CGRRF1: variants seen among roughly 807,000 people sequenced by gnomAD.
CGRRF1 encodes the protein cell growth regulator with RING finger domain protein 1.
In CGRRF1, 32 loss-of-function variants were observed where a neutral mutation model predicts 37.2. The observed-to-expected ratio is 0.86, with a 90% CI of 0.65 to 1.16. The LOEUF (loss-of-function observed/expected upper bound fraction) is 1.16. CGRRF1 is among the 50% of genes most tolerant of loss of function. CGRRF1 has a pLI of 0.00. For missense variants in CGRRF1, 391 were observed against 382.6 expected, an observed-to-expected ratio of 1.02 and a Z score of -0.18; for synonymous variants, 141 against 140.3, an observed-to-expected ratio of 1.00 and a Z score of -0.04.
chr14:54,533,610 G>A lies in CGRRF1; in HGVS notation c.570+2560G>A, dbSNP rs141181780. ...TGTGTTTTTTCAGTATTGTATGTGC[G>A]TGTCAGGGACTATATTTTTTTAAAA... is the stretch of plus-strand genomic sequence containing the variant. On this transcript the variant is annotated intron_variant, in intron 4 of 5. Coordinates refer to ENST00000216420, the MANE Select transcript of CGRRF1 (RefSeq NM_006568.3). Among the ~76,000 whole-genome samples the A allele has an allele frequency of 1.1e-3, 164 of 151,586 alleles. 1 individual carries two copies. Among genetic ancestry groups the A allele is most frequent in the African/African-American group, 3.7e-3 (153 of 41,346 alleles).
chr14:54,522,448 T>C lies in CGRRF1; in HGVS notation c.105-6T>C, dbSNP rs776333833. On this transcript the variant is annotated splice_polypyrimidine_tract_variant and splice_region_variant and intron_variant, in intron 1 of 5. Transcript: ENST00000216420. ...AAATAATATTTTATTTTTTACCTTT[T>C]TTTAGGTTTGGTTGGGATGTTCCAG... 1 of 1,533,220 alleles carries C rather than the reference T, an allele frequency of 6.5e-7. No individual in the cohort carries two copies. The highest frequency in any genetic ancestry group is 2.4e-5 in the Admixed American group (1 of 42,264). 95.0% of individuals were successfully genotyped at this position (1,533,220 alleles called of 1,614,324 possible).
Position 54,509,995 on chromosome 14 carries a change from C to T in CGRRF1, c.36C>T (p.Tyr12=), listed in dbSNP as rs142371935. Residue 12 remains tyrosine (Y), a synonymous_variant, in exon 1 of 6, where the codon TAC becomes TAT. Coordinates refer to ENST00000216420, the MANE Select transcript of CGRRF1 (RefSeq NM_006568.3). ...AAVFLVTLYE[Y]SPLFYIAVVF... The stretch of plus-strand genomic sequence containing the variant: ...TGTTTCTGGTAACGCTTTATGAATA[C>T]TCGCCGCTTTTCTACATCGCGGTGG... 27 of 1,613,864 alleles carry T rather than the reference C, an allele frequency of 1.7e-5. No homozygotes were observed. Among genetic ancestry groups the T allele is most frequent in the African/African-American group, 5.3e-5 (4 of 74,936 alleles).
chr14:54,522,740 A>C, intron 2 of CGRRF1, 147 bp downstream of exon 2: 1 of 704,862 alleles, frequency 1.4e-6, no homozygotes, highest in Non-Finnish European at 2.3e-6. Context: ...TGTACTGTAT[A>C]TGACAGATAC....
At chr14:54,513,333 G>T (rs377134099) in intron 1 of CGRRF1, among the ~76,000 whole-genome samples, 1 of 152,196 alleles carries the variant, frequency 6.6e-6, no homozygotes, top group Non-Finnish European at 1.5e-5. Context: ...GGACCAAGTG[G>T]CTAAAGCGCT....
intron 1 of CGRRF1, among the ~76,000 whole-genome samples, chr14:54,522,227 A>G (rs896258942): frequency 6.6e-6 from 1 of 151,998 alleles, no homozygotes; most frequent in Non-Finnish European, 1.5e-5. Context: ...GTTATTTTTT[A>G]TTCTTCCCCC....
At position 54,538,397 on chromosome 14, in the gene CGRRF1, CT is replaced by C; in HGVS notation, c.*15del. ...AAGACTCTTTGAAGACATCGTAACA[CT>C]GAAAAGTACACTTTCTACTAAAGAT... is the stretch of plus-strand genomic sequence containing the variant. On this transcript the variant is annotated 3_prime_UTR_variant, in exon 6 of 6. Transcript: ENST00000216420. 1.3e-6 allele frequency: 2 copies of C among 1,563,734 alleles called. No individual in the cohort carries two copies. The highest frequency in any genetic ancestry group is 8.7e-7 in the Non-Finnish European group (1 of 1,145,648).
intron 1 of CGRRF1, among the ~76,000 whole-genome samples, chr14:54,521,392 C>T (rs989088730): frequency 1.3e-5 from 2 of 151,020 alleles, no homozygotes; most frequent in African/African-American, 2.4e-5. Context: ...ACCCGGGAGG[C>T]AGAGGTTATA....
chr14:54,530,286 G>A, intron 3 of CGRRF1, 60 bp downstream of exon 3: 2 of 1,422,080 alleles, frequency 1.4e-6, no homozygotes, highest in Non-Finnish European at 2.0e-6. Context: ...TGGATAAAGT[G>A]TTGCTAACTT....
At chr14:54,525,793 T>C (rs2032401548) in intron 2 of CGRRF1, among the ~76,000 whole-genome samples, 2 of 152,096 alleles carry the variant, frequency 1.3e-5, no homozygotes, top group African/African-American at 4.8e-5. Flanking sequence ...AGAGACCTGA[T>C]TTAACTTGAA....
At chr14:54,514,649 A>G (rs1318748439) in intron 1 of CGRRF1, among the ~76,000 whole-genome samples, 1 of 152,136 alleles carries the variant, frequency 6.6e-6, no homozygotes, top group Non-Finnish European at 1.5e-5. Flanking sequence ...CTTTGGGCTC[A>G]TGAGTTCTCA....
In CGRRF1 at chr14:54,522,492, A is replaced by G; in HGVS notation, c.143A>G (p.Glu48Gly). ...WDVPVILRNS[E>G]ETQFSTRVFK... ...GTTCCAGTAATTCTGAGAAATTCAG[A>G]AGAGACCCAGTTCAGCACAAGAGTT... Residue 48 changes from glutamate to glycine, a missense_variant, in exon 2 of 6, where the codon GAA becomes GGA. By Grantham distance (98) the Glu-to-Gly change is moderately conservative. Coordinates refer to ENST00000216420, the MANE Select transcript of CGRRF1 (RefSeq NM_006568.3). 2 of 1,599,150 alleles carry G rather than the reference A, an allele frequency of 1.3e-6. No homozygotes were observed. The highest frequency in any genetic ancestry group is 1.8e-5 in the Admixed American group (1 of 56,550).
chr14:54,513,583 T>TATGTCATGTTATGTA (rs1299751835), intron 1 of CGRRF1, among the ~76,000 whole-genome samples: 2 of 137,328 alleles, frequency 1.5e-5, no homozygotes, highest in South Asian at 5.4e-4. Context: ...TATGTTATGT[T>TATGTCATGTTATGTA]ATGTTATGTT....
chr14:54,538,163 C>T lies in CGRRF1; in HGVS notation c.779C>T (p.Ser260Phe). 1 of 1,614,180 alleles carries T rather than the reference C, an allele frequency of 6.2e-7. No homozygotes were observed. Among genetic ancestry groups the T allele is most frequent in the Non-Finnish European group, 8.5e-7 (1 of 1,180,024 alleles). ...DRSLLEKVGL[S>F]ESEVEPSEEN... ...AGTTTGTTGGAAAAGGTGGGACTCT[C>T]TGAAAGTGAAGTTGAGCCATCGGAA... Residue 260 changes from serine (S) to phenylalanine (F), a missense_variant, in exon 6 of 6, where the codon TCT becomes TTT. Transcript: ENST00000216420.
chr14:54,510,678 C>A (rs556420412), intron 1 of CGRRF1, among the ~76,000 whole-genome samples: 1 of 152,262 alleles, frequency 6.6e-6, no homozygotes, highest in East Asian at 1.9e-4. Context: ...ATATGTAACA[C>A]CGAGGGTAGG....
At chr14:54,524,349 G>C (rs147836895) in intron 2 of CGRRF1, among the ~76,000 whole-genome samples, 1 of 151,168 alleles carries the variant, frequency 6.6e-6, no homozygotes, top group Non-Finnish European at 1.5e-5. Flanking sequence ...AGATCATCAG[G>C]CTTAAGTAAA....
intron 2 of CGRRF1, among the ~76,000 whole-genome samples, chr14:54,526,874 T>C (rs2032419815): frequency 6.6e-6 from 1 of 152,224 alleles, no homozygotes; most frequent in African/African-American, 2.4e-5. Flanking sequence ...ATGGTCTCCT[T>C]GTTTTATTAC....
intron 2 of CGRRF1, among the ~76,000 whole-genome samples, chr14:54,524,672 C>T (rs1186824408): frequency 2.0e-5 from 3 of 152,052 alleles, no homozygotes; most frequent in African/African-American, 2.4e-5. Flanking sequence ...GGATTACAGG[C>T]GTGACCCACT....
Position 54,530,979 on chromosome 14 carries a change from C to T in CGRRF1, c.499C>T (p.Pro167Ser). The change falls in exon 4 of 6, where the codon CCC (proline) becomes TCC (serine). Residue 167 changes from proline to serine, a missense_variant. Transcript: ENST00000216420. ...DTKIEDFGTV[P>S]RSRYPLVALL... ...TAAAATTGAAGACTTTGGTACAGTACCCAGATCTCGCTATCCATTGGTAGC... is the reference window on the plus strand; with the variant it reads ...TAAAATTGAAGACTTTGGTACAGTATCCAGATCTCGCTATCCATTGGTAGC... The T allele has an allele frequency of 6.2e-7, 1 of 1,609,986 alleles. No individual in the cohort carries two copies. The highest frequency in any genetic ancestry group is 1.1e-5 in the South Asian group (1 of 90,954).
Position 54,522,444 on chromosome 14 carries a change from C to T in CGRRF1, c.105-10C>T. 1.3e-6 allele frequency: 2 copies of T among 1,513,224 alleles called. No homozygotes were observed. Among genetic ancestry groups the T allele is most frequent in the African/African-American group, 1.4e-5 (1 of 70,038 alleles). The allele number at this position is 1,513,224 out of a possible 1,614,324, so 93.7% of individuals were successfully genotyped here. ...GTTAAAATAATATTTTATTTTTTAC[C>T]TTTTTTTAGGTTTGGTTGGGATGTT... On this transcript the variant is annotated splice_polypyrimidine_tract_variant and intron_variant, in intron 1 of 5. Transcript: ENST00000216420.
Sources: allele counts gnomAD v4.1 joint callset (sites outside exome capture counted in the v4.1 genomes callset), GRCh38; gene constraint gnomAD v4.1.1; transcripts MANE v1.5; gene names NCBI Gene and HGNC (gene_info 2026-07-23, HGNC 2026-07-21).